CSRP2: variants seen among roughly 807,000 people sequenced by gnomAD.
CSRP2 encodes the protein cysteine and glycine-rich protein 2.
CSRP2 carries 18 observed loss-of-function variants against 24.6 expected under a neutral mutation model. The observed-to-expected ratio is 0.73, with a 90% CI of 0.51 to 1.09. The LOEUF is 1.09. Among genes scored for constraint, CSRP2 ranks in the 50% least tolerant of loss-of-function variants. The pLI is 0.00. For synonymous variants in CSRP2, 87 were observed against 84.3 expected (o/e 1.03, Z -0.18); for missense variants, 215 against 239.4 (o/e 0.90, Z 0.67).
intron 1 of CSRP2, among the ~76,000 whole-genome samples, chr12:76,867,280 G>C (rs967678471): frequency 6.8e-6 from 1 of 147,196 alleles, no homozygotes; most frequent in Non-Finnish European, 1.5e-5. Context: ...CCTGAGGTCA[G>C]GAGTTTGAGA....
chr12:76,864,293 A>T (rs1001338566), intron 2 of CSRP2: 1 of 152,238 alleles, frequency 6.6e-6, no homozygotes, highest in African/African-American at 2.4e-5. Context: ...AGACAATTGT[A>T]TGATGATTCA....
intron 1 of CSRP2, among the ~76,000 whole-genome samples, chr12:76,875,165 CTCCA>C (rs1953841334): frequency 1.3e-5 from 2 of 152,316 alleles, no homozygotes; most frequent in South Asian, 4.1e-4. Context: ...ACACCTTCCT[CTCCA>C]TCCAACTAGC....
At chr12:76,871,638 C>T (rs564990884) in intron 1 of CSRP2, among the ~76,000 whole-genome samples, 25 of 151,984 alleles carry the variant, frequency 1.6e-4, no homozygotes, top group Non-Finnish European at 3.5e-4. Flanking sequence ...GTGGCAGGTG[C>T]CTGTAGTCCC....
chr12:76,859,662 GCATGTTTGAGAGGC>G (rs770651472), intron 4 of CSRP2, 22 bp from the exon 5 acceptor site: 1 of 1,580,784 alleles, frequency 6.3e-7, no homozygotes, highest in Non-Finnish European at 8.7e-7. Context: ...GAATGTGTCA[GCATGTTTGAGAGGC>G]CTGTTTCCTA....
intron 1 of CSRP2, among the ~76,000 whole-genome samples, chr12:76,872,797 T>C (rs1039238532): frequency 6.6e-6 from 1 of 152,164 alleles, no homozygotes; most frequent in Non-Finnish European, 1.5e-5. Context: ...CCGGGGAGCT[T>C]CTTCCTTCTG....
chr12:76,866,582 G>A (rs78107970), intron 1 of CSRP2, among the ~76,000 whole-genome samples: 21,805 of 152,018 alleles, frequency 0.14, 1,968 homozygotes, highest in Non-Finnish European at 0.2. Context: ...AGAAAGAAGC[G>A]TGGGGAGGGG....
chr12:76,860,227 G>A, intron 4 of CSRP2, 57 bp downstream of exon 4: 10 of 1,584,940 alleles, frequency 6.3e-6, no homozygotes, highest in Non-Finnish European at 8.6e-6. Context: ...AAGGGTTAGG[G>A]GAGAAAGGGA....
chr12:76,871,459 T>C (rs1404139630), intron 1 of CSRP2, among the ~76,000 whole-genome samples: 1 of 152,166 alleles, frequency 6.6e-6, no homozygotes, highest in Admixed American at 6.5e-5. Context: ...GTTCCACATA[T>C]GGTGGTGACT....
rs748581903 is a variant in CSRP2 at position 76,860,308 on chromosome 12, G to A, written c.387C>T (p.Ala129=). 14 of 1,613,590 alleles carry A rather than the reference G, an allele frequency of 8.7e-6. No individual in the cohort carries two copies. Among genetic ancestry groups the A allele is most frequent in the Middle Eastern group, 1.6e-4 (1 of 6,072 alleles). The change falls in exon 4 of 6, where the codon GCC becomes GCT. Residue 129 remains alanine (A), a synonymous_variant. Transcript: ENST00000311083. ...CSRCGDSVYA[A]EKIIGAGKPW... is the part of the protein sequence containing the mutation. ...CCTTTCCAGCTCCAATTATCTTCTC[G>A]GCAGCATATACAGAATCCCCACATC... is the stretch of plus-strand genomic sequence containing the variant.
chr12:76,862,753 TTGA>T (rs761069250), intron 3 of CSRP2: 3 of 1,338,530 alleles, frequency 2.2e-6, no homozygotes, highest in Non-Finnish European at 2.9e-6. Flanking sequence ...AAGTGATTTC[TTGA>T]TGAAAAATGT....
intron 1 of CSRP2, among the ~76,000 whole-genome samples, chr12:76,878,557 G>T (rs951775011): frequency 3.3e-5 from 5 of 152,222 alleles, no homozygotes; most frequent in Admixed American, 6.5e-5. Context: ...GCCGCTGGAC[G>T]AGGGGACCGA....
intron 1 of CSRP2, among the ~76,000 whole-genome samples, chr12:76,875,231 A>C (rs75498189): frequency 0.072 from 10,926 of 152,124 alleles, 487 homozygotes; most frequent in Middle Eastern, 0.092. Flanking sequence ...TGCTACTTTC[A>C]ACCAAAAAGC....
At chr12:76,867,236 C>A (rs965133782) in intron 1 of CSRP2, among the ~76,000 whole-genome samples, 1 of 151,160 alleles carries the variant, frequency 6.6e-6, no homozygotes, top group East Asian at 1.9e-4. Flanking sequence ...CGCCTGTAAT[C>A]CCAGCACTTT....
Position 76,860,143 on chromosome 12 carries a change from G to A in CSRP2, c.411+141C>T, listed in dbSNP as rs1344363075. The A allele has an allele frequency of 6.8e-6, 6 of 877,502 alleles. No individual in the cohort carries two copies. The South Asian group carries it at 6.9e-5, about 10-fold the overall frequency. 54.4% of individuals were successfully genotyped at this position (877,502 alleles called of 1,614,324 possible). On this transcript the variant is annotated intron_variant, in intron 4 of 5. Transcript: ENST00000311083. Reference sequence around the variant, plus strand: ...TCACTTCAAAAAAGTTAATGATTCTGATGGAAATGCATTTAAAGAAAAGTT... The same window carrying A: ...TCACTTCAAAAAAGTTAATGATTCTAATGGAAATGCATTTAAAGAAAAGTT...
chr12:76,860,046 T>C (rs1010791119), intron 4 of CSRP2, among the ~76,000 whole-genome samples: 1 of 152,230 alleles, frequency 6.6e-6, no homozygotes, highest in Non-Finnish European at 1.5e-5. Flanking sequence ...CCTTTTAAAG[T>C]TTAACCTTCA....
At chr12:76,866,309 G>T in intron 1 of CSRP2, 48 bp from the exon 2 acceptor site, 1 of 1,456,702 alleles carries the variant, frequency 6.9e-7, no homozygotes, top group Non-Finnish European at 9.6e-7. Context: ...TGGTCGTACG[G>T]CTCCCTAGAG....
intron 1 of CSRP2, among the ~76,000 whole-genome samples, chr12:76,874,227 G>A (rs1292182629): frequency 6.6e-6 from 1 of 152,208 alleles, no homozygotes; most frequent in African/African-American, 2.4e-5. Flanking sequence ...TTCAGTCCAG[G>A]TTCTACAATC....
In CSRP2 at chr12:76,862,694, AAAT is replaced by A. The variant is rs1395115737; in HGVS notation, c.281+479_281+481del. 1.6e-4 allele frequency: 197 copies of A among 1,208,284 alleles called. 1 individual carries two copies. The highest frequency in any genetic ancestry group is 3.0e-5 in the Non-Finnish European group (28 of 928,096). 74.8% of individuals were successfully genotyped at this position (1,208,284 alleles called of 1,614,324 possible). On this transcript the variant is annotated intron_variant, in intron 3 of 5. Transcript: ENST00000311083. Reference sequence around the variant, plus strand: ...TAACACTACTCTCTCAAAGAATCAAAAATAAGAAGTAATTTCCATTTTTAAGTA... The same window carrying A: ...TAACACTACTCTCTCAAAGAATCAAAAAGAAGTAATTTCCATTTTTAAGTA...
intron 1 of CSRP2, among the ~76,000 whole-genome samples, chr12:76,870,209 C>T (rs1414179403): frequency 1.3e-5 from 2 of 152,160 alleles, no homozygotes; most frequent in Non-Finnish European, 2.9e-5. Flanking sequence ...GGAGCAATCA[C>T]CAGTAAGGAG....
Sources: gnomAD v4.1 joint callset for allele counts (sites outside exome capture counted in the v4.1 genomes callset) on GRCh38, gnomAD v4.1.1 for gene constraint, MANE v1.5 for transcripts, NCBI Gene and HGNC (gene_info 2026-07-23, HGNC 2026-07-21) for gene names.